COL19A1: variants seen among roughly 807,000 people sequenced by gnomAD.
COL19A1 encodes collagen alpha-1(XIX) chain.
COL19A1 carries 159 observed loss-of-function variants against 190.2 expected under a neutral mutation model. The ratio of observed to expected loss-of-function variants is 0.84; its 90% CI spans 0.73 to 0.95. COL19A1 has a LOEUF of 0.95. Among genes scored for constraint, COL19A1 ranks in the 40% least tolerant of loss-of-function variants. The pLI, the probability that COL19A1 is intolerant of heterozygous loss-of-function variation, is 0.00. For missense variants in COL19A1, 1,418 were observed against 1,431.9 expected, an observed-to-expected ratio of 0.99 and a Z score of 0.16; for synonymous variants, 509 against 458.9, an observed-to-expected ratio of 1.11 and a Z score of -1.39.
chr6:69,996,916 TTGTGTGTGTG>T (rs200468204), intron 11 of COL19A1, among the ~76,000 whole-genome samples: 2 of 146,024 alleles, frequency 1.4e-5, no homozygotes, highest in Non-Finnish European at 3.0e-5. Flanking sequence ...TCAAAAAGAC[TTGTGTGTGTG>T]TGTGTGTGTG....
At chr6:69,923,431 C>T (rs1206132663) in intron 4 of COL19A1, among the ~76,000 whole-genome samples, 2 of 152,106 alleles carry the variant, frequency 1.3e-5, no homozygotes, top group Non-Finnish European at 2.9e-5. Context: ...CATTATTTTT[C>T]CTGCCTGGTA....
In COL19A1 at chr6:70,140,971, A is replaced by G; in HGVS notation, c.1464A>G (p.Lys488=). Residue 488 remains lysine, a synonymous_variant, in exon 20 of 51, where the codon AAA becomes AAG. Coordinates refer to ENST00000620364, the MANE Select transcript of COL19A1 (RefSeq NM_001858.6). The stretch of plus-strand genomic sequence containing the variant: ...CTCCTTAGGGAGAGCCTTTTACAAA[A>G]GGAGAAAAAGGAGATAGAGTAAGTA... The part of the protein sequence containing the change: ...QKGEPGEPFT[K]GEKGDRGEPG... 6.2e-7 allele frequency: 1 copy of G among 1,609,998 alleles called. No homozygotes were observed. The highest frequency in any genetic ancestry group is 8.5e-7 in the Non-Finnish European group (1 of 1,177,050).
Position 70,061,356 on chromosome 6 carries a change from G to A in COL19A1, c.1171-7067G>A, listed in dbSNP as rs148110327. On this transcript the variant is annotated intron_variant, in intron 14 of 50. Transcript: ENST00000620364. ...ATTCAAAGAGTGAATGATTCATCAA[G>A]GATTAAAAAAGAATTTCCTCAACTT... Among the ~76,000 whole-genome samples the A allele has an allele frequency of 6.6e-5, 10 of 152,006 alleles. No homozygotes were observed. In the East Asian group the frequency reaches 1.4e-3, roughly 21 times the overall value.
chr6:69,973,742 C>A (rs1775559629), intron 11 of COL19A1: 1 of 152,094 alleles, frequency 6.6e-6, no homozygotes, highest in African/African-American at 2.4e-5. Context: ...GCTTTATTAA[C>A]AAAAATCTCT....
intron 2 of COL19A1, among the ~76,000 whole-genome samples, chr6:69,883,184 G>T (rs1464336991): frequency 6.6e-6 from 1 of 152,152 alleles, no homozygotes; most frequent in African/African-American, 2.4e-5. Context: ...AGAAAAACTG[G>T]GGGACTGGAG....
intron 16 of COL19A1, among the ~76,000 whole-genome samples, chr6:70,116,840 GT>G (rs1784608232): frequency 6.6e-6 from 1 of 152,166 alleles, no homozygotes; most frequent in South Asian, 2.1e-4. Context: ...CTTCACAGAG[GT>G]TTTTGGTATT....
chr6:70,063,196 C>T (rs1562133594), intron 14 of COL19A1, among the ~76,000 whole-genome samples: 1 of 152,102 alleles, frequency 6.6e-6, no homozygotes, highest in African/African-American at 2.4e-5. Flanking sequence ...CAGCACCACA[C>T]TGCACCTATT....
chr6:69,959,091 T>C (rs1340340019), intron 9 of COL19A1, among the ~76,000 whole-genome samples: 1 of 152,188 alleles, frequency 6.6e-6, no homozygotes, highest in Non-Finnish European at 1.5e-5. Context: ...TAAAACTCTA[T>C]TGAGAATATG....
At chr6:70,136,681 A>T (rs1785894439) in intron 18 of COL19A1, among the ~76,000 whole-genome samples, 1 of 152,184 alleles carries the variant, frequency 6.6e-6, no homozygotes, top group Non-Finnish European at 1.5e-5. Flanking sequence ...TCTGGGTGGA[A>T]ATAGGAAATA....
At chr6:70,056,101 C>T (rs909603016) in intron 14 of COL19A1, among the ~76,000 whole-genome samples, 4 of 152,044 alleles carry the variant, frequency 2.6e-5, no homozygotes, top group African/African-American at 9.7e-5. Context: ...TCCACTGCCG[C>T]TTGTTTTCCT....
At chr6:70,195,962 G>A (rs555009821) in intron 48 of COL19A1, among the ~76,000 whole-genome samples, 2 of 152,168 alleles carry the variant, frequency 1.3e-5, no homozygotes, top group African/African-American at 2.4e-5. Flanking sequence ...TCAGGAGGTA[G>A]TTAAAGCAGA....
intron 14 of COL19A1, among the ~76,000 whole-genome samples, chr6:70,062,169 G>A (rs1780876589): frequency 6.6e-6 from 1 of 151,936 alleles, no homozygotes; most frequent in South Asian, 2.1e-4. Context: ...TTCAACTGTT[G>A]TGGAGAAGGA....
intron 15 of COL19A1, among the ~76,000 whole-genome samples, chr6:70,083,812 C>T (rs1782420277): frequency 6.6e-6 from 1 of 152,140 alleles, no homozygotes; most frequent in South Asian, 2.1e-4. Flanking sequence ...GCAAGGATAA[C>T]ATGTTTCACT....
intron 14 of COL19A1, among the ~76,000 whole-genome samples, chr6:70,049,966 G>T (rs1004915406): frequency 2.6e-5 from 4 of 151,970 alleles, no homozygotes; most frequent in African/African-American, 4.8e-5. Context: ...CTCTAAAAAG[G>T]ATTCGAATTA....
chr6:69,983,970 GT>G (rs1330633246), intron 11 of COL19A1, among the ~76,000 whole-genome samples: 3 of 152,030 alleles, frequency 2.0e-5, no homozygotes, highest in South Asian at 4.1e-4. Flanking sequence ...CATAAAATGA[GT>G]TGAATACTGA....
chr6:70,125,756 C>T (rs997769429), intron 17 of COL19A1, among the ~76,000 whole-genome samples: 8 of 152,114 alleles, frequency 5.3e-5, no homozygotes, highest in Non-Finnish European at 8.8e-5. Context: ...AAATAATGTG[C>T]AAAACAGCTG....
intron 15 of COL19A1, among the ~76,000 whole-genome samples, chr6:70,098,046 A>G (rs920117489): frequency 1.3e-5 from 2 of 152,164 alleles, no homozygotes; most frequent in African/African-American, 4.8e-5. Context: ...AGTGAAAGCA[A>G]ACATGCAAAC....
At chr6:70,003,605 G>A (rs1284400770) in intron 11 of COL19A1, among the ~76,000 whole-genome samples, 1 of 151,826 alleles carries the variant, frequency 6.6e-6, no homozygotes, top group Non-Finnish European at 1.5e-5. Context: ...TTGCTGACTT[G>A]TTCCCTTTGC....
chr6:70,184,653 T>C, intron 44 of COL19A1, 50 bp from the exon 45 acceptor site: 1 of 1,434,056 alleles, frequency 7.0e-7, no homozygotes, highest in Non-Finnish European at 9.7e-7. Context: ...TTGTTGTGTT[T>C]AACTATGTTA....
Sources: allele counts gnomAD v4.1 joint callset (sites outside exome capture counted in the v4.1 genomes callset), GRCh38; gene constraint gnomAD v4.1.1; transcripts MANE v1.5; gene names NCBI Gene and HGNC (gene_info 2026-07-23, HGNC 2026-07-21).